Variants in NELL1 observed in about 807,000 individuals in gnomAD.
The protein encoded by NELL1 is neural EGFL like 1, also known as protein kinase C-binding protein NELL1.
NELL1 carries 76 observed loss-of-function variants against 107.4 expected under a neutral mutation model. The ratio of observed to expected loss-of-function variants is 0.71; its 90% CI spans 0.59 to 0.86. The LOEUF (loss-of-function observed/expected upper bound fraction) is 0.86, where lower values mean the gene tolerates loss of function less well. Ranked by LOEUF, NELL1 falls within the 40% of genes least tolerant of loss-of-function variation. The pLI, the probability that NELL1 is intolerant of heterozygous loss-of-function variation, is 0.00. For synonymous variants in NELL1, 353 were observed against 341.2 expected (o/e 1.03, Z -0.38); for missense variants, 1,024 against 1,005.5 (o/e 1.02, Z -0.25).
intron 14 of NELL1, among the ~76,000 whole-genome samples, chr11:21,294,014 C>T (rs185024162): frequency 1.3e-5 from 2 of 152,166 alleles, no homozygotes; most frequent in East Asian, 1.9e-4. Flanking sequence ...CACTATTCCA[C>T]GTGTATACTT....
chr11:20,837,402 A>G (rs981286669), intron 3 of NELL1, among the ~76,000 whole-genome samples: 2 of 152,160 alleles, frequency 1.3e-5, no homozygotes, highest in African/African-American at 2.4e-5. Flanking sequence ...ATATTTATAG[A>G]TATGTGTATA....
chr11:20,830,189 T>C (rs1219633530), intron 3 of NELL1, among the ~76,000 whole-genome samples: 1 of 151,348 alleles, frequency 6.6e-6, no homozygotes, highest in Admixed American at 6.6e-5. Flanking sequence ...GGAGAATTGC[T>C]TGAACTTGGG....
intron 12 of NELL1, among the ~76,000 whole-genome samples, chr11:21,004,574 A>T (rs1034276532): frequency 6.6e-5 from 10 of 152,080 alleles, no homozygotes; most frequent in African/African-American, 2.4e-4. Flanking sequence ...TTCAGATACC[A>T]GGTATGGATT....
intron 14 of NELL1, among the ~76,000 whole-genome samples, chr11:21,322,930 T>G (rs1004372945): frequency 3.3e-5 from 5 of 151,732 alleles, no homozygotes; most frequent in Non-Finnish European, 7.3e-5. Flanking sequence ...TGCTATCCTT[T>G]AAGTGAATTG....
At chr11:21,215,683 A>ATTAC (rs1857598431) in intron 13 of NELL1, among the ~76,000 whole-genome samples, 2 of 152,214 alleles carry the variant, frequency 1.3e-5, no homozygotes, top group Admixed American at 6.5e-5. Context: ...ATGCTTCAGC[A>ATTAC]AAGAGACTGG....
chr11:21,305,711 C>T (rs150357981), intron 14 of NELL1, among the ~76,000 whole-genome samples: 2,166 of 151,754 alleles, frequency 0.014, 56 homozygotes, highest in African/African-American at 0.049. Context: ...ATGTACACTA[C>T]ATATCTAGAC....
In NELL1 at chr11:21,451,673, A is replaced by G. The variant is rs1483791670; in HGVS notation, c.1645+80725A>G. Among the ~76,000 whole-genome samples the G allele has an allele frequency of 3.3e-5, 5 of 152,218 alleles. 1 individual carries two copies. Among genetic ancestry groups the G allele is most frequent in the South Asian group, 4.1e-4 (2 of 4,834 alleles). On this transcript the variant is annotated intron_variant, in intron 15 of 19. Coordinates refer to ENST00000357134, the MANE Select transcript of NELL1 (RefSeq NM_006157.5). The stretch of plus-strand genomic sequence containing the variant: ...ACTGATTAATGTAATATAATGATTA[A>G]ATGTAGACTGAAAGAGAGTGACACA...
chr11:21,205,013 C>G (rs138492878), intron 13 of NELL1, among the ~76,000 whole-genome samples: 248 of 152,258 alleles, frequency 1.6e-3, no homozygotes, highest in African/African-American at 5.7e-3. Flanking sequence ...CCAACATATG[C>G]CAGCCAGAGA....
intron 2 of NELL1, among the ~76,000 whole-genome samples, chr11:20,698,080 C>A (rs933954356): frequency 6.6e-6 from 1 of 152,174 alleles, no homozygotes; most frequent in African/African-American, 2.4e-5. Context: ...GTCAACCTTA[C>A]TTTGAGTGGA....
intron 12 of NELL1, among the ~76,000 whole-genome samples, chr11:21,070,987 A>C (rs1384843038): frequency 1.3e-5 from 2 of 151,496 alleles, no homozygotes; most frequent in African/African-American, 4.8e-5. Flanking sequence ...AAAGACGCTA[A>C]GCATTTTAAG....
At chr11:21,279,967 A>G (rs1028373264) in intron 14 of NELL1, among the ~76,000 whole-genome samples, 1 of 152,240 alleles carries the variant, frequency 6.6e-6, no homozygotes, top group African/African-American at 2.4e-5. Flanking sequence ...CGATCTGCAA[A>G]TGTCACATGT....
chr11:21,136,782 C>CT (rs1036747283), intron 13 of NELL1, among the ~76,000 whole-genome samples: 1 of 151,868 alleles, frequency 6.6e-6, no homozygotes, highest in African/African-American at 2.4e-5. Context: ...TTGGTGTCCA[C>CT]TTTTTTTTAG....
chr11:21,220,044 G>A (rs955877518), intron 13 of NELL1, among the ~76,000 whole-genome samples: 1 of 152,162 alleles, frequency 6.6e-6, no homozygotes, highest in Non-Finnish European at 1.5e-5. Flanking sequence ...ACTATCATGA[G>A]AACAGCAATT....
At chr11:21,363,768 T>G (rs547935155) in intron 14 of NELL1, among the ~76,000 whole-genome samples, 8 of 152,316 alleles carry the variant, frequency 5.3e-5, no homozygotes, top group African/African-American at 1.7e-4. Flanking sequence ...AAATACATGT[T>G]TATTATCACA....
chr11:21,327,177 T>G (rs1275435131), intron 14 of NELL1, among the ~76,000 whole-genome samples: 14 of 118,126 alleles, frequency 1.2e-4, no homozygotes, highest in South Asian at 3.2e-4. Flanking sequence ...TTTTTTTTTT[T>G]TGTGGGGGGG....
intron 2 of NELL1, among the ~76,000 whole-genome samples, chr11:20,754,017 G>A (rs1856203570): frequency 6.6e-6 from 1 of 152,182 alleles, no homozygotes. Context: ...CAAGAGGATG[G>A]ACGGTGTTGA....
intron 12 of NELL1, among the ~76,000 whole-genome samples, chr11:20,989,192 G>C (rs1342229579): frequency 6.6e-6 from 1 of 152,166 alleles, no homozygotes; most frequent in Admixed American, 6.5e-5. Context: ...TTCTGAAGAG[G>C]AAGAGTTTGT....
At chr11:21,061,805 C>T (rs558224838) in intron 12 of NELL1, among the ~76,000 whole-genome samples, 75 of 152,276 alleles carry the variant, frequency 4.9e-4, no homozygotes, top group Middle Eastern at 3.4e-3. Flanking sequence ...TTCTCACTCA[C>T]GTCTCCAATT....
At chr11:21,478,721 CAAAGG>C (rs1854412841) in intron 15 of NELL1, among the ~76,000 whole-genome samples, 2 of 148,266 alleles carry the variant, frequency 1.3e-5, no homozygotes, top group Non-Finnish European at 3.0e-5. Flanking sequence ...TTTTGCACAG[CAAAGG>C]AAACAGTCAA....
Sources: gnomAD v4.1 joint callset for allele counts (sites outside exome capture counted in the v4.1 genomes callset) on GRCh38, gnomAD v4.1.1 for gene constraint, MANE v1.5 for transcripts, NCBI Gene and HGNC (gene_info 2026-07-23, HGNC 2026-07-21) for gene names.